SLC22A3: variants seen among roughly 807,000 people sequenced by gnomAD.
The protein encoded by SLC22A3 is EMT organic cation transporter 3.
In SLC22A3, 51 loss-of-function variants were observed where a neutral mutation model predicts 59.1. The observed-to-expected ratio is 0.86, with a 90% CI of 0.69 to 1.09. The LOEUF is 1.09. SLC22A3 is among the 50% of genes least tolerant of loss of function. SLC22A3 has a pLI of 0.00. For missense variants in SLC22A3, 711 were observed against 726.3 expected (o/e 0.98, Z 0.24); for synonymous variants, 325 against 292.0 (o/e 1.11, Z -1.15).
At chr6:160,407,765 T>C (rs1258879198) in intron 3 of SLC22A3, among the ~76,000 whole-genome samples, 1 of 152,198 alleles carries the variant, frequency 6.6e-6, no homozygotes, top group Non-Finnish European at 1.5e-5. Context: ...TTTTTTCTCA[T>C]GTCCCTTGGG....
intron 1 of SLC22A3, among the ~76,000 whole-genome samples, chr6:160,378,490 A>G (rs960302425): frequency 1.3e-5 from 2 of 152,190 alleles, no homozygotes; most frequent in Non-Finnish European, 2.9e-5. Context: ...AGTGGAGAAA[A>G]AGGGCTACCA....
At chr6:160,447,591 A>T in intron 9 of SLC22A3, 128 bp from the exon 10 acceptor site, 1 of 773,540 alleles carries the variant, frequency 1.3e-6, no homozygotes. Flanking sequence ...TTGATCTGGG[A>T]TGCAGAGGTT....
chr6:160,384,520 A>G (rs1785920938), intron 1 of SLC22A3, among the ~76,000 whole-genome samples: 2 of 152,186 alleles, frequency 1.3e-5, no homozygotes, highest in South Asian at 4.1e-4. Context: ...AGGGAGGGGC[A>G]ACTCACACCT....
intron 1 of SLC22A3, among the ~76,000 whole-genome samples, chr6:160,372,149 G>A (rs927172771): frequency 6.6e-5 from 10 of 152,112 alleles, no homozygotes; most frequent in African/African-American, 2.4e-4. Context: ...TTATGAATCT[G>A]GGTACTCTTG....
chr6:160,421,069 G>A (rs908343354), intron 5 of SLC22A3, among the ~76,000 whole-genome samples: 2 of 152,144 alleles, frequency 1.3e-5, no homozygotes, highest in African/African-American at 4.8e-5. Context: ...ATCCTCAGAA[G>A]GCAGGTTTCT....
At chr6:160,390,334 G>T (rs1448078449) in intron 1 of SLC22A3, among the ~76,000 whole-genome samples, 1 of 152,144 alleles carries the variant, frequency 6.6e-6, no homozygotes, top group Non-Finnish European at 1.5e-5. Context: ...CCCCAAGCCA[G>T]CCACAACTCC....
At chr6:160,374,438 GCTGTTCCTATT>G (rs555593146) in intron 1 of SLC22A3, among the ~76,000 whole-genome samples, 78 of 152,300 alleles carry the variant, frequency 5.1e-4, no homozygotes, top group African/African-American at 1.9e-3. Flanking sequence ...GCAGACCAGA[GCTGTTCCTATT>G]CAGCCATCTT....
chr6:160,413,077 A>C (rs1787322394), intron 5 of SLC22A3, among the ~76,000 whole-genome samples: 2 of 152,194 alleles, frequency 1.3e-5, no homozygotes, highest in Non-Finnish European at 2.9e-5. Context: ...AGAAAGGAAT[A>C]TAGAAAAAAC....
intron 10 of SLC22A3, 101 bp downstream of exon 10, chr6:160,447,919 A>C: frequency 1.1e-6 from 1 of 937,060 alleles, no homozygotes. Context: ...GGAAAAAAAT[A>C]AGAATAAATC....
chr6:160,439,770 T>G (rs1788479883), intron 7 of SLC22A3, among the ~76,000 whole-genome samples: 1 of 152,242 alleles, frequency 6.6e-6, no homozygotes, highest in African/African-American at 2.4e-5. Flanking sequence ...GCTGCTTTTA[T>G]AGTCATATGT....
intron 10 of SLC22A3, among the ~76,000 whole-genome samples, chr6:160,449,446 A>G (rs893520682): frequency 1.3e-5 from 2 of 152,314 alleles, no homozygotes; most frequent in Admixed American, 1.3e-4. Context: ...AAAAAAATAT[A>G]GTAGAAGTAT....
intron 2 of SLC22A3, among the ~76,000 whole-genome samples, chr6:160,402,410 A>G (rs1786819444): frequency 6.6e-6 from 1 of 151,918 alleles, no homozygotes; most frequent in Non-Finnish European, 1.5e-5. Flanking sequence ...TAAAACTGGA[A>G]TGAGAAATAG....
Position 160,442,776 on chromosome 6 carries a change from G to C in SLC22A3, c.1304G>C (p.Arg435Thr). ...AFLPEGIAWL[R>T]TTVATLGRLG... ...GTGTTTGCAGGAATAGCATGGTTGA[G>C]GACCACAGTGGCTACATTGGGAAGA... Residue 435 changes from arginine (R) to threonine (T), a missense_variant, in exon 8 of 11, where the codon AGG becomes ACG. Arg to Thr is a moderately conservative substitution (Grantham distance 71). Transcript: ENST00000275300. The C allele has an allele frequency of 6.2e-7, 1 of 1,613,560 alleles. No individual in the cohort carries two copies. The highest frequency in any genetic ancestry group is 1.3e-5 in the African/African-American group (1 of 75,052).
At chr6:160,445,788 G>A (rs1271005382) in intron 9 of SLC22A3, among the ~76,000 whole-genome samples, 2 of 152,214 alleles carry the variant, frequency 1.3e-5, no homozygotes, top group Non-Finnish European at 2.9e-5. Flanking sequence ...GGTGGCACAG[G>A]CACTGTAGCA....
chr6:160,444,554 C>G (rs1788674730), intron 9 of SLC22A3, among the ~76,000 whole-genome samples: 1 of 152,106 alleles, frequency 6.6e-6, no homozygotes, highest in Non-Finnish European at 1.5e-5. Flanking sequence ...CTACCTCCAG[C>G]TTCCATAGGA....
chr6:160,400,084 A>ATT lies in SLC22A3; in HGVS notation c.533+2027_533+2028dup, dbSNP rs760874011. Among the ~76,000 whole-genome samples the ATT allele has an allele frequency of 1.4e-3, 129 of 95,434 alleles. 1 individual carries two copies. The highest frequency in any genetic ancestry group is 2.3e-3 in the African/African-American group (56 of 24,498). The allele number at this position is 95,434 out of a possible 152,430, so 62.6% of individuals were successfully genotyped here. ...TCAAAGGAGGGCCCAAGCTTTTGTG[A>ATT]TTTTTTTTTTTTTTTTTTTTTTTTT... On this transcript the variant is annotated intron_variant, in intron 2 of 10. Transcript: ENST00000275300.
intron 1 of SLC22A3, among the ~76,000 whole-genome samples, chr6:160,357,753 A>G (rs1784890272): frequency 6.6e-6 from 1 of 152,262 alleles, no homozygotes; most frequent in South Asian, 2.1e-4. Context: ...GGAGAAAATT[A>G]GATTGAAACT....
rs1234027535 is a variant in SLC22A3, at chr6:160,451,629, C to T, written c.*573C>T. 4 of 157,906 alleles carry T rather than the reference C, an allele frequency of 2.5e-5. No individual in the cohort carries two copies. The highest frequency in any genetic ancestry group is 1.9e-4 in the South Asian group (1 of 5,300). The allele number at this position is 157,906 out of a possible 1,614,324, so 9.8% of individuals were successfully genotyped here. A position where few individuals can be genotyped will look rare whatever the true frequency, so the allele number is the denominator to read the frequency against. ...GCTCACCTTGGTTTCCGCACACCTT[C>T]GCAATGTGAACAGGTCAGGAGTCCC... On this transcript the variant is annotated 3_prime_UTR_variant, in exon 11 of 11. Transcript: ENST00000275300.
intron 1 of SLC22A3, among the ~76,000 whole-genome samples, chr6:160,385,316 G>A (rs913058133): frequency 6.6e-6 from 1 of 152,168 alleles, no homozygotes; most frequent in African/African-American, 2.4e-5. Context: ...GTTCGGTGTA[G>A]CAGGTGCCCT....
Sources: allele counts gnomAD v4.1 joint callset (sites outside exome capture counted in the v4.1 genomes callset), GRCh38; gene constraint gnomAD v4.1.1; transcripts MANE v1.5; gene names NCBI Gene and HGNC (gene_info 2026-07-23, HGNC 2026-07-21).